The following KIAA0825 variants were observed in gnomAD, a reference collection of about 807,000 sequenced individuals.
KIAA0825 encodes uncharacterized protein KIAA0825.
A neutral mutation model predicts 147.6 loss-of-function variants in KIAA0825; 119 were observed. The observed-to-expected ratio is 0.81, with a 90% CI of 0.69 to 0.94. The LOEUF (loss-of-function observed/expected upper bound fraction) is 0.94. Ranked by LOEUF, KIAA0825 falls within the 40% of genes least tolerant of loss-of-function variation. The pLI, the probability that KIAA0825 is intolerant of heterozygous loss-of-function variation, is 0.00. For synonymous variants in KIAA0825, 470 were observed against 518.1 expected, an observed-to-expected ratio of 0.91 and a Z score of 1.26; for missense variants, 1,381 against 1,472.7, an observed-to-expected ratio of 0.94 and a Z score of 1.02.
At chr5:94,258,686 G>A (rs1441995286) in intron 20 of KIAA0825, among the ~76,000 whole-genome samples, 1 of 152,020 alleles carries the variant, frequency 6.6e-6, no homozygotes, top group South Asian at 2.1e-4. Flanking sequence ...ATGATTTCAG[G>A]TCTACATCAC....
In KIAA0825 at chr5:94,316,285, T is replaced by TAAAAAA. The variant is rs1475681427; in HGVS notation, c.3710+68082_3710+68083insTTTTTT. ...AAAAATTTTATTACTATGGCCTAAA[T>TAAAAAA]AAAATATGAGTATTAAAAGTTTTAT... On this transcript the variant is annotated intron_variant, in intron 20 of 20. Coordinates refer to ENST00000682413, the MANE Select transcript of KIAA0825 (RefSeq NM_001145678.3). Among the ~76,000 whole-genome samples the TAAAAAA allele has an allele frequency of 4.6e-5, 7 of 151,530 alleles. No individual in the cohort carries two copies. In the East Asian group the frequency reaches 1.2e-3, roughly 25 times the overall value.
chr5:94,470,133 A>C, intron 9 of KIAA0825, 22 bp from the exon 10 acceptor site: 1 of 1,539,704 alleles, frequency 6.5e-7, no homozygotes, highest in Non-Finnish European at 8.8e-7. Flanking sequence ...GAATGATCAA[A>C]GAGACAGAGA....
At chr5:94,509,866 A>G (rs1766240923) in intron 5 of KIAA0825, among the ~76,000 whole-genome samples, 1 of 152,202 alleles carries the variant, frequency 6.6e-6, no homozygotes, top group Non-Finnish European at 1.5e-5. Flanking sequence ...TGTGATCATG[A>G]CTAAGAAAAA....
At chr5:94,333,244 G>A (rs1243790026) in intron 20 of KIAA0825, among the ~76,000 whole-genome samples, 1 of 152,100 alleles carries the variant, frequency 6.6e-6, no homozygotes, top group Non-Finnish European at 1.5e-5. Context: ...GATCCCATTT[G>A]TCAATTGTGG....
At chr5:94,422,565 C>G (rs980686626) in intron 14 of KIAA0825, among the ~76,000 whole-genome samples, 2 of 152,112 alleles carry the variant, frequency 1.3e-5, no homozygotes, top group Non-Finnish European at 2.9e-5. Flanking sequence ...AGCCATGAAC[C>G]TTGCAATGGG....
Position 94,403,587 on chromosome 5 carries a change from TGTTA to T in KIAA0825, c.2865_2868del (p.Asn956GlyfsTer19), listed in dbSNP as rs1459562845. On this transcript the variant is annotated frameshift_variant, in exon 16 of 21. Coordinates refer to ENST00000682413, the MANE Select transcript of KIAA0825 (RefSeq NM_001145678.3). LOFTEE classifies it high-confidence loss of function. Reference sequence around the variant, plus strand: ...TACTTACTTTTGCATGATTCTTTCCTGTTAGTTTCTTTTGGACTATAATTCCATT... The same window carrying T: ...TACTTACTTTTGCATGATTCTTTCCTGTTTCTTTTGGACTATAATTCCATT... The T allele has an allele frequency of 1.3e-6, 2 of 1,551,456 alleles. No individual in the cohort carries two copies. Among genetic ancestry groups the T allele is most frequent in the Non-Finnish European group, 1.7e-6 (2 of 1,146,790 alleles).
intron 20 of KIAA0825, among the ~76,000 whole-genome samples, chr5:94,250,659 GC>G (rs1304996341): frequency 6.6e-6 from 1 of 152,020 alleles, no homozygotes; most frequent in Admixed American, 6.6e-5. Flanking sequence ...AAAGATAATG[GC>G]CCCCTAAGAC....
intron 20 of KIAA0825, among the ~76,000 whole-genome samples, chr5:94,292,856 A>G (rs903396163): frequency 2.6e-5 from 4 of 152,170 alleles, no homozygotes; most frequent in African/African-American, 9.7e-5. Context: ...GTATGTGTCC[A>G]GGAATTTAAC....
At chr5:94,238,857 G>A (rs1029854039) in intron 20 of KIAA0825, among the ~76,000 whole-genome samples, 1 of 151,980 alleles carries the variant, frequency 6.6e-6, no homozygotes, top group South Asian at 2.1e-4. Context: ...TATGATCAAC[G>A]TTAGTGCAAG....
At chr5:94,606,108 C>T (rs1050227184) in intron 1 of KIAA0825, among the ~76,000 whole-genome samples, 7 of 152,140 alleles carry the variant, frequency 4.6e-5, no homozygotes, top group African/African-American at 1.7e-4. Context: ...TTCCTATATA[C>T]CAACAACAAC....
Position 94,151,423 on chromosome 5 carries a change from CAAAAAAAAAAA to C in KIAA0825, c.*2573_*2583del, listed in dbSNP as rs11363132. Among the ~76,000 whole-genome samples, 19 of 21,548 alleles carry C rather than the reference CAAAAAAAAAAA, an allele frequency of 8.8e-4. No homozygotes were observed. The highest frequency in any genetic ancestry group is 0.026 in the Middle Eastern group (1 of 38). 14.1% of individuals were successfully genotyped at this position (21,548 alleles called of 152,430 possible). On this transcript the variant is annotated 3_prime_UTR_variant, in exon 21 of 21. Coordinates refer to ENST00000682413, the MANE Select transcript of KIAA0825 (RefSeq NM_001145678.3). ...TGGGCGACAGAGCGAGACTCCGTCT[CAAAAAAAAAAA>C]AAAAAAAAAAAAAAAAACATATTGA... is the stretch of plus-strand genomic sequence containing the variant.
At chr5:94,290,142 T>A (rs928111798) in intron 20 of KIAA0825, among the ~76,000 whole-genome samples, 2 of 151,888 alleles carry the variant, frequency 1.3e-5, no homozygotes, top group African/African-American at 4.8e-5. Flanking sequence ...GTAGAAAAAA[T>A]TGTTTATTAT....
At chr5:94,366,661 C>T (rs866030217) in intron 20 of KIAA0825, among the ~76,000 whole-genome samples, 2 of 152,110 alleles carry the variant, frequency 1.3e-5, no homozygotes, top group African/African-American at 4.8e-5. Flanking sequence ...TCTTATTTTC[C>T]CAGCCACTCA....
chr5:94,560,900 C>T (rs1163331688), intron 2 of KIAA0825, among the ~76,000 whole-genome samples: 3 of 152,224 alleles, frequency 2.0e-5, no homozygotes, highest in Non-Finnish European at 1.5e-5. Flanking sequence ...CTCCTTTCCC[C>T]CTTCCTGGAA....
At chr5:94,588,277 T>G (rs967421649) in intron 1 of KIAA0825, among the ~76,000 whole-genome samples, 1 of 152,010 alleles carries the variant, frequency 6.6e-6, no homozygotes, top group African/African-American at 2.4e-5. Context: ...GGGAGAAAAT[T>G]TTTGCAATCT....
intron 20 of KIAA0825, among the ~76,000 whole-genome samples, chr5:94,347,995 A>G (rs998064031): frequency 2.0e-5 from 3 of 152,230 alleles, no homozygotes; most frequent in East Asian, 1.9e-4. Context: ...GAAATGCAAA[A>G]TGCTCTGGAA....
chr5:94,456,001 G>A (rs28659780), intron 12 of KIAA0825, among the ~76,000 whole-genome samples: 288 of 152,274 alleles, frequency 1.9e-3, no homozygotes, highest in African/African-American at 6.7e-3. Context: ...CTGCAAGAGA[G>A]CTAGGAAAGG....
At chr5:94,172,975 T>C (rs1341271839) in intron 20 of KIAA0825, among the ~76,000 whole-genome samples, 1 of 152,182 alleles carries the variant, frequency 6.6e-6, no homozygotes, top group African/African-American at 2.4e-5. Flanking sequence ...TAAATCAGGG[T>C]TGGTATTTTA....
chr5:94,578,316 T>TA (rs2152346638), intron 2 of KIAA0825, among the ~76,000 whole-genome samples: 2 of 152,346 alleles, frequency 1.3e-5, no homozygotes, highest in East Asian at 3.9e-4. Context: ...ACTGTGGCTT[T>TA]AGACCTCATT....
Sources: allele counts gnomAD v4.1 joint callset (sites outside exome capture counted in the v4.1 genomes callset), GRCh38; gene constraint gnomAD v4.1.1; transcripts MANE v1.5; gene names NCBI Gene and HGNC (gene_info 2026-07-23, HGNC 2026-07-21).